The following CNTNAP3 variants were observed in gnomAD, a reference collection of about 807,000 sequenced individuals.
The protein encoded by CNTNAP3 is contactin associated protein family member 3.
CNTNAP3 carries 36 observed loss-of-function variants against 92.1 expected under a neutral mutation model. The observed-to-expected ratio is 0.39, with a 90% CI of 0.30 to 0.52. CNTNAP3 has a LOEUF of 0.52. CNTNAP3 is among the 20% of genes least tolerant of loss of function. The pLI is 0.76. For missense variants in CNTNAP3, 534 were observed against 1,069.6 expected (o/e 0.50, Z 6.98); for synonymous variants, 232 against 422.3 (o/e 0.55, Z 5.53).
chr9:39,152,123 A>C (rs952438598), intron 9 of CNTNAP3, among the ~76,000 whole-genome samples: 1 of 135,856 alleles, frequency 7.4e-6, no homozygotes, highest in Non-Finnish European at 1.6e-5. Flanking sequence ...AAAATAGTCA[A>C]TGAAGATTCC....
At chr9:39,121,745 A>T (rs1030937760) in intron 13 of CNTNAP3, among the ~76,000 whole-genome samples, 2 of 150,956 alleles carry the variant, frequency 1.3e-5, no homozygotes, top group African/African-American at 4.8e-5. Context: ...AGCCCCATCA[A>T]GTTCTCAGAA....
At chr9:39,106,893 C>T (rs1293053211) in intron 15 of CNTNAP3, among the ~76,000 whole-genome samples, 2 of 152,024 alleles carry the variant, frequency 1.3e-5, no homozygotes, top group African/African-American at 4.8e-5. Flanking sequence ...TGGCACAGGA[C>T]ATTTAATAAT....
intron 10 of CNTNAP3, among the ~76,000 whole-genome samples, chr9:39,147,502 A>C (rs944627529): frequency 1.4e-4 from 21 of 152,310 alleles, no homozygotes; most frequent in African/African-American, 4.8e-4. Flanking sequence ...CTAGTCTTCT[A>C]CGTTACTGAC....
At chr9:39,130,462 A>G (rs1821253659) in intron 13 of CNTNAP3, among the ~76,000 whole-genome samples, 1 of 151,102 alleles carries the variant, frequency 6.6e-6, no homozygotes, top group Non-Finnish European at 1.5e-5. Flanking sequence ...TGGAGAACAT[A>G]CTAGTGGTTA....
rs897170547 is a variant in CNTNAP3 at position 39,071,514 on chromosome 9, T to C, written c.*2376A>G. Among the ~76,000 whole-genome samples, 11 of 152,066 alleles carry C rather than the reference T, an allele frequency of 7.2e-5. No individual in the cohort carries two copies. The highest frequency in any genetic ancestry group is 5.2e-4 in the Admixed American group (8 of 15,282). ...GCTTTCTCAAATGAAGAATGGTAAT[T>C]ATATGCTATTTTCTTTTTTAATTTG... is the stretch of plus-strand genomic sequence containing the variant. On this transcript the variant is annotated 3_prime_UTR_variant, in exon 24 of 24. Transcript: ENST00000297668.
At chr9:39,162,654 T>C (rs1204142214) in intron 9 of CNTNAP3, among the ~76,000 whole-genome samples, 7 of 106,566 alleles carry the variant, frequency 6.6e-5, no homozygotes, top group Admixed American at 2.9e-4. Flanking sequence ...GATGAGATAA[T>C]GTCATTTCTA....
chr9:39,094,329 A>AAG (rs2118453386), intron 18 of CNTNAP3, among the ~76,000 whole-genome samples: 1 of 151,704 alleles, frequency 6.6e-6, no homozygotes, highest in South Asian at 2.1e-4. Flanking sequence ...CTCTCTTGAT[A>AAG]GTGTTCTTTG....
chr9:39,091,107 A>C (rs906485919), intron 18 of CNTNAP3, among the ~76,000 whole-genome samples: 3 of 152,004 alleles, frequency 2.0e-5, no homozygotes, highest in African/African-American at 7.2e-5. Flanking sequence ...TTTATATAAA[A>C]AATCATGTCA....
At chr9:39,075,790 G>A (rs1344803179) in intron 23 of CNTNAP3, among the ~76,000 whole-genome samples, 2 of 152,404 alleles carry the variant, frequency 1.3e-5, no homozygotes, top group Non-Finnish European at 1.5e-5. Flanking sequence ...CTAAGCCACT[G>A]CGCTTTGAGT....
intron 9 of CNTNAP3, among the ~76,000 whole-genome samples, chr9:39,150,890 G>T (rs1821826956): frequency 7.4e-6 from 1 of 134,642 alleles, no homozygotes; most frequent in Non-Finnish European, 1.6e-5. Flanking sequence ...AAGCAGTGGT[G>T]AGTGCCTGAC....
At position 39,103,602 on chromosome 9, in the gene CNTNAP3, A is replaced by T. The variant is rs187379612; in HGVS notation, c.2536+142T>A. 1.4e-3 allele frequency: 1,484 copies of T among 1,090,772 alleles called. 13 individuals carry two copies. In the African/African-American group the frequency reaches 0.02, roughly 15 times the overall value. The allele number at this position is 1,090,772 out of a possible 1,614,324, so 67.6% of individuals were successfully genotyped here. On this transcript the variant is annotated intron_variant, in intron 16 of 23. Transcript: ENST00000297668. The stretch of plus-strand genomic sequence containing the variant: ...CTCTCCCTCTCTCAAAAAAAAAAAA[A>T]TTACCTAAAATCATAGAAGTTTAGT...
At position 39,103,742 on chromosome 9, in the gene CNTNAP3, A is replaced by G. The variant is rs1453146852; in HGVS notation, c.2536+2T>C. 19 of 1,610,124 alleles carry G rather than the reference A, an allele frequency of 1.2e-5. No homozygotes were observed. The highest frequency in any genetic ancestry group is 1.6e-5 in the Non-Finnish European group (19 of 1,179,672). On this transcript the variant is annotated splice_donor_variant, in intron 16 of 23. Transcript: ENST00000297668. LOFTEE classifies it high-confidence loss of function. ...GTGACTTGTCCAGAGTGGCGAGCTTACCACGCAGCTCAATCCTGATGAAAT... is the reference window on the plus strand; with the variant it reads ...GTGACTTGTCCAGAGTGGCGAGCTTGCCACGCAGCTCAATCCTGATGAAAT...
At chr9:39,078,090 C>T (rs1328601312) in intron 23 of CNTNAP3, among the ~76,000 whole-genome samples, 2 of 152,262 alleles carry the variant, frequency 1.3e-5, no homozygotes, top group African/African-American at 4.8e-5. Context: ...TCTTATAACC[C>T]TAACTATTCA....
chr9:39,103,667 A>G (rs1482056463), intron 16 of CNTNAP3, 77 bp downstream of exon 16: 3 of 1,414,926 alleles, frequency 2.1e-6, no homozygotes, highest in African/African-American at 2.9e-5. Context: ...AGAATGAAAT[A>G]CTAACATTTT....
At chr9:39,107,461 A>G (rs1036174375) in intron 15 of CNTNAP3, among the ~76,000 whole-genome samples, 2 of 152,134 alleles carry the variant, frequency 1.3e-5, no homozygotes, top group African/African-American at 4.8e-5. Flanking sequence ...GAACACAAGG[A>G]AAGAAAAATT....
chr9:39,115,993 A>G (rs570084800), intron 14 of CNTNAP3, among the ~76,000 whole-genome samples: 16 of 152,188 alleles, frequency 1.1e-4, no homozygotes, highest in Non-Finnish European at 1.9e-4. Context: ...AGTCTCTACT[A>G]AAAATACAAA....
intron 3 of CNTNAP3, among the ~76,000 whole-genome samples, chr9:39,195,952 TTATA>T (rs1412767653): frequency 5.8e-5 from 1 of 17,234 alleles, no homozygotes; most frequent in African/African-American, 9.0e-5. Flanking sequence ...ATTTAAAAGT[TTATA>T]TATATAATCA....
chr9:39,141,327 G>A (rs1358232489), intron 11 of CNTNAP3, among the ~76,000 whole-genome samples: 4 of 152,016 alleles, frequency 2.6e-5, no homozygotes, highest in African/African-American at 7.2e-5. Flanking sequence ...TAAGCTATGC[G>A]GCAGTTATAC....
rs1287365559 is a variant in CNTNAP3, at chr9:39,068,642, A to G, written c.*5248T>C. ...TCTCCAGATTTGCAAAGTTTTCTCC[A>G]ATGCAGCTCTTTCCTCGCCGGTACT... On this transcript the variant is annotated 3_prime_UTR_variant, in exon 24 of 24. Transcript: ENST00000297668. 1.3e-5 allele frequency among the ~76,000 whole-genome samples: 2 copies of G among 152,282 alleles called. No individual in the cohort carries two copies. Among genetic ancestry groups the G allele is most frequent in the Non-Finnish European group, 1.5e-5 (1 of 68,044 alleles).
Sources: allele counts gnomAD v4.1 joint callset (sites outside exome capture counted in the v4.1 genomes callset), GRCh38; gene constraint gnomAD v4.1.1; transcripts MANE v1.5; gene names NCBI Gene and HGNC (gene_info 2026-07-23, HGNC 2026-07-21).